The following EBF1 variants were observed in gnomAD, a reference collection of about 807,000 sequenced individuals.
The protein encoded by EBF1 is EBF transcription factor 1, also known as transcription factor COE1.
EBF1 carries 10 observed loss-of-function variants against 68.4 expected under a neutral mutation model. The observed-to-expected ratio is 0.15, with a 90% CI of 0.09 to 0.25. EBF1 has a LOEUF of 0.25. Ranked by LOEUF, EBF1 falls within the 10% of genes least tolerant of loss-of-function variation. The probability of loss-of-function intolerance (pLI) is 1.00; values close to 1 mark genes in which losing one functional copy is unlikely to be tolerated. For missense variants in EBF1, 509 were observed against 794.4 expected (o/e 0.64, Z 4.32); for synonymous variants, 298 against 299.8 (o/e 0.99, Z 0.06).
At chr5:158,960,162 G>A (rs1817888329) in intron 6 of EBF1, among the ~76,000 whole-genome samples, 1 of 152,172 alleles carries the variant, frequency 6.6e-6, no homozygotes, top group Admixed American at 6.5e-5. Context: ...AGCATTTTAA[G>A]ATTTTAATAA....
At chr5:158,912,249 T>C (rs1457350257) in intron 6 of EBF1, among the ~76,000 whole-genome samples, 1 of 152,146 alleles carries the variant, frequency 6.6e-6, no homozygotes, top group African/African-American at 2.4e-5. Context: ...TAGCCATTAG[T>C]TTCACCTACG....
intron 6 of EBF1, among the ~76,000 whole-genome samples, chr5:158,938,240 C>A (rs767170543): frequency 6.6e-6 from 1 of 152,218 alleles, no homozygotes; most frequent in Non-Finnish European, 1.5e-5. Flanking sequence ...TCAATCACCT[C>A]CTTTTTGCTC....
intron 6 of EBF1, chr5:158,983,897 AGT>A (rs56099364): frequency 0.2 from 28,240 of 139,802 alleles, 2,734 homozygotes; most frequent in Non-Finnish European, 0.22. Context: ...CAACTGTAAG[AGT>A]GTGTGTGTGT....
At chr5:158,761,813 G>T (rs931427945) in intron 10 of EBF1, among the ~76,000 whole-genome samples, 8 of 152,022 alleles carry the variant, frequency 5.3e-5, no homozygotes, top group Non-Finnish European at 7.4e-5. Context: ...TTAGAAAATG[G>T]GAGAATATTA....
rs1304572240 is a variant in EBF1, at chr5:159,099,584, A to G, written c.-106T>C. On this transcript the variant is annotated 5_prime_UTR_variant, in exon 1 of 16. Transcript: ENST00000313708. ...AAGAAAAGAAACAAAAACGCCAACC[A>G]GAGATTTTTTTTTTTCTCAGACGAT... 47 of 1,349,386 alleles carry G rather than the reference A, an allele frequency of 3.5e-5. No homozygotes were observed. Among genetic ancestry groups the G allele is most frequent in the Admixed American group, 5.9e-5 (2 of 33,652 alleles). 83.6% of individuals were successfully genotyped at this position (1,349,386 alleles called of 1,614,324 possible).
chr5:158,704,445 T>A lies in EBF1; in HGVS notation c.1744+3534A>T, dbSNP rs895093178. 3.3e-5 allele frequency among the ~76,000 whole-genome samples: 5 copies of A among 152,198 alleles called. No individual in the cohort carries two copies. In the South Asian group the frequency reaches 1.0e-3, roughly 32 times the overall value. On this transcript the variant is annotated intron_variant, in intron 15 of 15. Coordinates refer to ENST00000313708, the MANE Select transcript of EBF1 (RefSeq NM_024007.5). ...CCTAAATGTGGCACCTCTAATCTTGTTGACATGGGCAATTTGCTTAACCAA... is the reference window on the plus strand; with the variant it reads ...CCTAAATGTGGCACCTCTAATCTTGATGACATGGGCAATTTGCTTAACCAA...
At position 158,786,092 on chromosome 5, in the gene EBF1, T is replaced by C. The variant is rs138047125; in HGVS notation, c.910-8553A>G. Reference sequence around the variant, plus strand: ...AAGATTCACTAAAGTTTCTTATGAATCTACAAAAAGGAAATAATCAACACC... The same window carrying C: ...AAGATTCACTAAAGTTTCTTATGAACCTACAAAAAGGAAATAATCAACACC... On this transcript the variant is annotated intron_variant, in intron 9 of 15. Coordinates refer to ENST00000313708, the MANE Select transcript of EBF1 (RefSeq NM_024007.5). 7.8e-3 allele frequency among the ~76,000 whole-genome samples: 1,184 copies of C among 152,206 alleles called. 22 individuals are homozygous for C. The highest frequency in any genetic ancestry group is 0.027 in the African/African-American group (1,135 of 41,540).
chr5:159,066,232 A>G (rs1776774803), intron 6 of EBF1, among the ~76,000 whole-genome samples: 1 of 152,164 alleles, frequency 6.6e-6, no homozygotes, highest in Non-Finnish European at 1.5e-5. Flanking sequence ...ATTACTTTAT[A>G]TTATATTACA....
At chr5:158,950,240 A>G (rs879030925) in intron 6 of EBF1, among the ~76,000 whole-genome samples, 1 of 152,222 alleles carries the variant, frequency 6.6e-6, no homozygotes, top group Admixed American at 6.5e-5. Flanking sequence ...TTGGGCAGAA[A>G]CAAGGTTTTA....
At chr5:159,044,318 T>C (rs1275810698) in intron 6 of EBF1, among the ~76,000 whole-genome samples, 1 of 152,192 alleles carries the variant, frequency 6.6e-6, no homozygotes, top group Non-Finnish European at 1.5e-5. Flanking sequence ...AACACTGGGC[T>C]TTTGAAGGAC....
At chr5:158,810,388 G>A (rs774358896) in intron 8 of EBF1, among the ~76,000 whole-genome samples, 48 of 152,150 alleles carry the variant, frequency 3.2e-4, no homozygotes, top group African/African-American at 9.7e-4. Flanking sequence ...TACCAACTAC[G>A]TTCATTTTAA....
chr5:158,852,742 T>C (rs1174253115), intron 6 of EBF1, among the ~76,000 whole-genome samples: 1 of 152,232 alleles, frequency 6.6e-6, no homozygotes, highest in East Asian at 1.9e-4. Flanking sequence ...TTTCTCATGA[T>C]ATCATAAGGA....
intron 10 of EBF1, among the ~76,000 whole-genome samples, chr5:158,751,668 G>A (rs1768936354): frequency 6.6e-6 from 1 of 152,042 alleles, no homozygotes; most frequent in Non-Finnish European, 1.5e-5. Context: ...GGACAGTCAA[G>A]TGCCTTCCCT....
chr5:159,085,801 A>C (rs1007736236), intron 4 of EBF1, among the ~76,000 whole-genome samples: 1 of 152,096 alleles, frequency 6.6e-6, no homozygotes, highest in Non-Finnish European at 1.5e-5. Flanking sequence ...TATATAGTAC[A>C]TACAGATGCT....
chr5:158,734,018 T>C (rs1764662015), intron 10 of EBF1, among the ~76,000 whole-genome samples: 1 of 152,198 alleles, frequency 6.6e-6, no homozygotes, highest in African/African-American at 2.4e-5. Flanking sequence ...CCGCATGGAA[T>C]AGAATATGAT....
chr5:159,024,942 C>T (rs1767414436), intron 6 of EBF1, among the ~76,000 whole-genome samples: 1 of 152,220 alleles, frequency 6.6e-6, no homozygotes, highest in Admixed American at 6.5e-5. Context: ...GCAGAGCCAC[C>T]TTGCCTGCAA....
At chr5:158,871,558 A>G (rs963323588) in intron 6 of EBF1, among the ~76,000 whole-genome samples, 6 of 152,196 alleles carry the variant, frequency 3.9e-5, no homozygotes, top group African/African-American at 1.4e-4. Flanking sequence ...AATGTTTAAC[A>G]AGCAGTCTTC....
At chr5:158,837,643 A>G (rs1789115442) in intron 7 of EBF1, among the ~76,000 whole-genome samples, 1 of 152,098 alleles carries the variant, frequency 6.6e-6, no homozygotes, top group African/African-American at 2.4e-5. Context: ...TAATAGACTA[A>G]ATTGGTTTCT....
intron 6 of EBF1, among the ~76,000 whole-genome samples, chr5:158,848,336 A>G (rs957621326): frequency 6.6e-6 from 1 of 152,156 alleles, no homozygotes; most frequent in South Asian, 2.1e-4. Flanking sequence ...TATTATCATC[A>G]CCAGATTCAT....
Sources: allele counts gnomAD v4.1 joint callset (sites outside exome capture counted in the v4.1 genomes callset), GRCh38; gene constraint gnomAD v4.1.1; transcripts MANE v1.5; gene names NCBI Gene and HGNC (gene_info 2026-07-23, HGNC 2026-07-21).